HS3ST3A1: variants seen among roughly 807,000 people sequenced by gnomAD.
HS3ST3A1 encodes the protein heparan sulfate-glucosamine 3-sulfotransferase 3A1.
A neutral mutation model predicts 25.7 loss-of-function variants in HS3ST3A1; 19 were observed. That is an observed-to-expected ratio of 0.74 (90% CI 0.52 to 1.08). The LOEUF (loss-of-function observed/expected upper bound fraction) is 1.08. HS3ST3A1 is among the 50% of genes least tolerant of loss of function. HS3ST3A1 has a pLI of 0.00. For missense variants in HS3ST3A1, 459 were observed against 594.3 expected (o/e 0.77, Z 2.37); for synonymous variants, 226 against 278.6 (o/e 0.81, Z 1.88).
At chr17:13,592,249 C>A (rs915856004) in intron 1 of HS3ST3A1, among the ~76,000 whole-genome samples, 1 of 152,148 alleles carries the variant, frequency 6.6e-6, no homozygotes, top group Non-Finnish European at 1.5e-5. Flanking sequence ...TCTTTCTGAG[C>A]CTCTTTTCTG....
At chr17:13,569,019 T>C (rs1295549443) in intron 1 of HS3ST3A1, among the ~76,000 whole-genome samples, 2 of 152,182 alleles carry the variant, frequency 1.3e-5, no homozygotes, top group African/African-American at 2.4e-5. Flanking sequence ...CTGGCACTTT[T>C]GCTGAGCCTG....
chr17:13,496,220 GC>G lies in HS3ST3A1; in HGVS notation c.1197del (p.His400ThrfsTer12). On this transcript the variant is annotated frameshift_variant, in exon 2 of 2. Coordinates refer to ENST00000284110, the MANE Select transcript of HS3ST3A1 (RefSeq NM_006042.3). LOFTEE classifies it high-confidence loss of function. ...GGTTATCCATCCCAGCCAAAGTCGT[GC>G]CCGGTCATCTGGTAGAACTTGAGGT... is the stretch of plus-strand genomic sequence containing the variant. ...PFNLKFYQMT[G>X]HDFGWDG is the part of the protein sequence containing the mutation. 6.3e-7 allele frequency: 1 copy of G among 1,599,762 alleles called. No individual in the cohort carries two copies. The highest frequency in any genetic ancestry group is 8.5e-7 in the Non-Finnish European group (1 of 1,173,596).
chr17:13,506,823 G>A (rs1269193465), intron 1 of HS3ST3A1, among the ~76,000 whole-genome samples: 2 of 151,780 alleles, frequency 1.3e-5, no homozygotes, highest in African/African-American at 2.4e-5. Flanking sequence ...TTGGGAGGCC[G>A]AGGCGGGTGG....
chr17:13,574,829 T>TA (rs769828171), intron 1 of HS3ST3A1, among the ~76,000 whole-genome samples: 7 of 151,996 alleles, frequency 4.6e-5, no homozygotes, highest in Non-Finnish European at 7.3e-5. Flanking sequence ...CCCATGTCAA[T>TA]AGATGGTAAT....
intron 1 of HS3ST3A1, among the ~76,000 whole-genome samples, chr17:13,553,704 CT>C (rs1203937052): frequency 6.6e-6 from 1 of 152,192 alleles, no homozygotes; most frequent in Non-Finnish European, 1.5e-5. Context: ...CTAACTTACT[CT>C]TTTCTGGCAA....
At position 13,560,289 on chromosome 17, in the gene HS3ST3A1, C is replaced by CAAAAAAAAAAAAAAAAAAAAAAAAAAAA. The variant is rs10632927; in HGVS notation, c.599+40214_599+40241dup. The stretch of plus-strand genomic sequence containing the variant: ...TGGGCAACAGAGGGACACTCGTCTC[C>CAAAAAAAAAAAAAAAAAAAAAAAAAAAA]AAAAAAAAAAAAAAAAAAAAAAAAA... On this transcript the variant is annotated intron_variant, in intron 1 of 1. Transcript: ENST00000284110. Among the ~76,000 whole-genome samples, 12 of 17,378 alleles carry CAAAAAAAAAAAAAAAAAAAAAAAAAAAA rather than the reference C, an allele frequency of 6.9e-4. 5 individuals are homozygous for CAAAAAAAAAAAAAAAAAAAAAAAAAAAA. Among genetic ancestry groups the CAAAAAAAAAAAAAAAAAAAAAAAAAAAA allele is most frequent in the Non-Finnish European group, 1.0e-3 (9 of 8,844 alleles). 11.4% of individuals were successfully genotyped at this position (17,378 alleles called of 152,430 possible).
At chr17:13,587,371 T>C (rs1447920714) in intron 1 of HS3ST3A1, among the ~76,000 whole-genome samples, 1 of 152,138 alleles carries the variant, frequency 6.6e-6, no homozygotes, top group Non-Finnish European at 1.5e-5. Context: ...GGAGAATCGC[T>C]TGAACCCAAG....
chr17:13,532,993 C>T (rs1216472437), intron 1 of HS3ST3A1, among the ~76,000 whole-genome samples: 1 of 151,774 alleles, frequency 6.6e-6, no homozygotes, highest in African/African-American at 2.4e-5. Flanking sequence ...CTGGATCTCA[C>T]CCTGAATAAT....
At chr17:13,530,139 G>T (rs1906561029) in intron 1 of HS3ST3A1, among the ~76,000 whole-genome samples, 1 of 151,992 alleles carries the variant, frequency 6.6e-6, no homozygotes, top group Non-Finnish European at 1.5e-5. Flanking sequence ...TTGAATAGAT[G>T]CAATACAAAG....
intron 1 of HS3ST3A1, among the ~76,000 whole-genome samples, chr17:13,579,296 C>T (rs1436011666): frequency 2.0e-5 from 3 of 152,078 alleles, no homozygotes; most frequent in Non-Finnish European, 4.4e-5. Flanking sequence ...AACTCTTACT[C>T]AATATTAGAA....
intron 1 of HS3ST3A1, among the ~76,000 whole-genome samples, chr17:13,581,422 G>A (rs990491857): frequency 2.0e-5 from 3 of 147,722 alleles, no homozygotes; most frequent in Non-Finnish European, 4.5e-5. Flanking sequence ...GGCTGAGATC[G>A]AGCCACTGCA....
intron 1 of HS3ST3A1, among the ~76,000 whole-genome samples, chr17:13,589,683 G>T (rs1009235544): frequency 1.3e-5 from 2 of 151,312 alleles, no homozygotes; most frequent in Non-Finnish European, 2.9e-5. Context: ...ACACACACAC[G>T]CACACACAGG....
rs527572622 is a variant in HS3ST3A1, at chr17:13,528,042, T to C, written c.600-31224A>G. On this transcript the variant is annotated intron_variant, in intron 1 of 1. Coordinates refer to ENST00000284110, the MANE Select transcript of HS3ST3A1 (RefSeq NM_006042.3). The stretch of plus-strand genomic sequence containing the variant: ...CTCCTGGGGTGGCCAGATACATGTA[T>C]ACTGATCCGTGTCATCGGAAAGAAG... Among the ~76,000 whole-genome samples, 20 of 152,320 alleles carry C rather than the reference T, an allele frequency of 1.3e-4. No homozygotes were observed. In the South Asian group the frequency reaches 2.7e-3, roughly 21 times the overall value.
intron 1 of HS3ST3A1, among the ~76,000 whole-genome samples, chr17:13,562,685 G>C (rs1402417774): frequency 6.6e-6 from 1 of 152,062 alleles, no homozygotes; most frequent in Non-Finnish European, 1.5e-5. Context: ...TCTAAGTCCT[G>C]TTTTTCTACA....
chr17:13,515,765 T>C (rs112239869), intron 1 of HS3ST3A1, among the ~76,000 whole-genome samples: 10 of 152,300 alleles, frequency 6.6e-5, no homozygotes, highest in Admixed American at 2.0e-4. Flanking sequence ...AAAAGCAATG[T>C]ATGAGGGTTT....
chr17:13,569,904 A>G (rs575685878), intron 1 of HS3ST3A1, among the ~76,000 whole-genome samples: 119 of 152,224 alleles, frequency 7.8e-4, no homozygotes, highest in African/African-American at 2.8e-3. Context: ...TGGGTCTTTA[A>G]CCATTCCACA....
intron 1 of HS3ST3A1, among the ~76,000 whole-genome samples, chr17:13,501,317 A>G (rs951473172): frequency 1.3e-5 from 2 of 150,988 alleles, no homozygotes; most frequent in African/African-American, 5.0e-5. Flanking sequence ...TGTACTTAAC[A>G]CCACTGAACC....
intron 1 of HS3ST3A1, among the ~76,000 whole-genome samples, chr17:13,524,886 T>G (rs73982029): frequency 0.085 from 12,924 of 152,248 alleles, 1,222 homozygotes; most frequent in African/African-American, 0.23. Context: ...TATATTTTGA[T>G]GTTAGTGGTT....
At chr17:13,525,087 T>C (rs1319776766) in intron 1 of HS3ST3A1, among the ~76,000 whole-genome samples, 2 of 152,184 alleles carry the variant, frequency 1.3e-5, no homozygotes, top group South Asian at 4.1e-4. Context: ...TATGTATGAG[T>C]GTGTCTGCAT....
Sources: allele counts gnomAD v4.1 joint callset (sites outside exome capture counted in the v4.1 genomes callset), GRCh38; gene constraint gnomAD v4.1.1; transcripts MANE v1.5; gene names NCBI Gene and HGNC (gene_info 2026-07-23, HGNC 2026-07-21).